The following BLTP3A variants were observed in gnomAD, a reference collection of about 807,000 sequenced individuals.
The protein encoded by BLTP3A is ICBP90 binding protein 1.
the BLTP3A span, chr6:34,874,958 A>G: frequency 4.6e-5 from 7 of 152,580 alleles, no homozygotes; most frequent in African/African-American, 1.7e-4. Context: ...TATAGACTCT[A>G]TCCTGCAAAG....
chr6:34,817,153 A>G, the BLTP3A span, among the ~76,000 whole-genome samples: 1 of 152,120 alleles, frequency 6.6e-6, no homozygotes, highest in Non-Finnish European at 1.5e-5. Flanking sequence ...TTGTTGTCTT[A>G]TTAGGAAGTA....
chr6:34,859,043 C>T, the BLTP3A span: 1 of 1,614,186 alleles, frequency 6.2e-7, no homozygotes, highest in Non-Finnish European at 8.5e-7. Flanking sequence ...GCTGACTCTG[C>T]AGGCTCAGAT....
the BLTP3A span, chr6:34,792,286 C>A: frequency 3.2e-6 from 5 of 1,544,360 alleles, no homozygotes; most frequent in East Asian, 2.5e-5. Flanking sequence ...TCCTGAAACA[C>A]CTGTCCCGGT....
chr6:34,811,770 A>G, the BLTP3A span, among the ~76,000 whole-genome samples: 1 of 150,656 alleles, frequency 6.6e-6, no homozygotes, highest in Non-Finnish European at 1.5e-5. Context: ...GAGGCAGGAC[A>G]ATCGCTTGAA....
the BLTP3A span, among the ~76,000 whole-genome samples, chr6:34,847,571 G>A: frequency 6.6e-6 from 1 of 151,306 alleles, no homozygotes; most frequent in Non-Finnish European, 1.5e-5. Flanking sequence ...TTTTCTTCTT[G>A]GTTTTCCAAT....
chr6:34,817,136 C>T, the BLTP3A span, among the ~76,000 whole-genome samples: 1 of 152,174 alleles, frequency 6.6e-6, no homozygotes, highest in African/African-American at 2.4e-5. Flanking sequence ...TCCTTTACTT[C>T]CTTTTGTTGT....
At chr6:34,812,623 C>T in the BLTP3A span, among the ~76,000 whole-genome samples, 8 of 152,096 alleles carry the variant, frequency 5.3e-5, no homozygotes, top group East Asian at 7.7e-4. Context: ...GCCACTGCAT[C>T]CAGCTAATTA....
the BLTP3A span, among the ~76,000 whole-genome samples, chr6:34,845,849 G>A: frequency 2.0e-5 from 3 of 151,804 alleles, no homozygotes; most frequent in Admixed American, 6.6e-5. Flanking sequence ...CACCAGCCTC[G>A]GCCTCCCAAA....
chr6:34,834,134 TA>T, the BLTP3A span: 1 of 1,385,754 alleles, frequency 7.2e-7, no homozygotes, highest in Non-Finnish European at 9.9e-7. Flanking sequence ...ATTATCATTA[TA>T]AAATAATTTA....
chr6:34,856,269 G>T, the BLTP3A span: 1 of 1,614,128 alleles, frequency 6.2e-7, no homozygotes, highest in Non-Finnish European at 8.5e-7. Context: ...GTACGCCACT[G>T]TGAGGCCATG....
At chr6:34,844,964 T>C in the BLTP3A span, among the ~76,000 whole-genome samples, 1 of 152,232 alleles carries the variant, frequency 6.6e-6, no homozygotes, top group Non-Finnish European at 1.5e-5. Flanking sequence ...CAGTGTTTTC[T>C]TGTAGTAGTT....
At chr6:34,876,556 G>C in the BLTP3A span, 2 of 151,962 alleles carry the variant, frequency 1.3e-5, no homozygotes, top group Non-Finnish European at 2.9e-5. Flanking sequence ...ATGAGTTATA[G>C]TAAAATCATA....
the BLTP3A span, chr6:34,836,304 G>C: frequency 4.3e-6 from 7 of 1,614,028 alleles, no homozygotes; most frequent in Admixed American, 6.7e-5. Context: ...CTCATCTCCC[G>C]CCTGGACCTG....
the BLTP3A span, among the ~76,000 whole-genome samples, chr6:34,837,528 AT>A: frequency 1.3e-5 from 2 of 151,606 alleles, no homozygotes; most frequent in African/African-American, 4.9e-5. Context: ...TTAAAAAAAA[AT>A]TAGCCAGGTG....
the BLTP3A span, among the ~76,000 whole-genome samples, chr6:34,797,281 G>A: frequency 3.9e-5 from 6 of 152,154 alleles, no homozygotes; most frequent in Non-Finnish European, 7.4e-5. Flanking sequence ...TAGAGACCTG[G>A]CTGATAGACA....
At chr6:34,835,445 T>C in the BLTP3A span, 4 of 1,614,176 alleles carry the variant, frequency 2.5e-6, no homozygotes, top group Non-Finnish European at 3.4e-6. Context: ...AGAAAGAGCC[T>C]GGCCCCTGAA....
At chr6:34,837,461 A>C in the BLTP3A span, among the ~76,000 whole-genome samples, 1 of 152,048 alleles carries the variant, frequency 6.6e-6, no homozygotes, top group Non-Finnish European at 1.5e-5. Flanking sequence ...AGGTGGGAGG[A>C]TTGCTTAAGC....
chr6:34,857,896 A>G, the BLTP3A span: 1 of 1,613,732 alleles, frequency 6.2e-7, no homozygotes, highest in Non-Finnish European at 8.5e-7. Flanking sequence ...TGGACATCCG[A>G]CTAGATGCAT....
At chr6:34,836,183 C>G in the BLTP3A span, 1 of 1,614,128 alleles carries the variant, frequency 6.2e-7, no homozygotes, top group Non-Finnish European at 8.5e-7. Context: ...CAGTGCCCAG[C>G]AGTCCTGGGC....
Sources: gnomAD v4.1 joint callset for allele counts (sites outside exome capture counted in the v4.1 genomes callset) on GRCh38, gnomAD v4.1.1 for gene constraint, MANE v1.5 for transcripts, NCBI Gene and HGNC (gene_info 2026-07-23, HGNC 2026-07-21) for gene names.